NEBL: variants seen among roughly 807,000 people sequenced by gnomAD.
NEBL encodes nebulette.
A neutral mutation model predicts 140.2 loss-of-function variants in NEBL; 122 were observed. The ratio of observed to expected loss-of-function variants is 0.87; its 90% CI spans 0.75 to 1.01. The LOEUF is 1.01. NEBL is among the 50% of genes least tolerant of loss of function. NEBL has a pLI of 0.00. For synonymous variants in NEBL, 436 were observed against 398.9 expected, an observed-to-expected ratio of 1.09 and a Z score of -1.11; for missense variants, 1,365 against 1,231.3, an observed-to-expected ratio of 1.11 and a Z score of -1.62.
rs117989502 is a variant in NEBL at position 21,268,200 on chromosome 10, G to C, written n.183-16372C>G. ...ACTGCGGCAACTGAAGCTGGACGTG[G>C]GATTATGCCTGTAATCCCAGCACTT... On this transcript the variant is annotated intron_variant and non_coding_transcript_variant, in intron 1 of 8. Coordinates refer to the NEBL transcript ENST00000675702. Among the ~76,000 whole-genome samples the C allele has an allele frequency of 6.5e-4, 99 of 152,278 alleles. 1 individual carries two copies. The highest frequency in any genetic ancestry group is 2.9e-3 in the South Asian group (14 of 4,822).
At chr10:20,823,919 A>T (rs887118028) in intron 18 of NEBL, among the ~76,000 whole-genome samples, 1 of 152,180 alleles carries the variant, frequency 6.6e-6, no homozygotes, top group Non-Finnish European at 1.5e-5. Flanking sequence ...AGGAAGTCAG[A>T]GATGTCTGCT....
chr10:21,149,061 C>T (rs911792499), intron 2 of NEBL, among the ~76,000 whole-genome samples: 4 of 152,148 alleles, frequency 2.6e-5, no homozygotes, highest in African/African-American at 9.7e-5. Flanking sequence ...TTTCCCCACT[C>T]GTCTGTTAGG....
upstream of NEBL, among the ~76,000 whole-genome samples, chr10:21,177,614 C>T (rs1250420281): frequency 6.6e-6 from 1 of 151,920 alleles, no homozygotes; most frequent in Non-Finnish European, 1.5e-5. Context: ...ACTGCAAGCT[C>T]TGCCTCCCGG....
intron 4 of NEBL, among the ~76,000 whole-genome samples, chr10:20,935,364 C>T (rs1049210197): frequency 1.7e-4 from 26 of 152,270 alleles, no homozygotes; most frequent in Middle Eastern, 6.8e-3. Flanking sequence ...CTACAAGTGA[C>T]GCTAATATCA....
intron 2 of NEBL, among the ~76,000 whole-genome samples, chr10:21,160,653 G>C (rs1258070038): frequency 6.7e-6 from 1 of 149,454 alleles, no homozygotes; most frequent in African/African-American, 2.5e-5. Flanking sequence ...GTTGGGGAGG[G>C]TGGGTTGGGG....
chr10:20,981,204 A>G lies in NEBL; in HGVS notation c.250-19425T>C, dbSNP rs141170379. Among the ~76,000 whole-genome samples the G allele has an allele frequency of 9.2e-4, 140 of 152,314 alleles. 1 individual carries two copies. Among genetic ancestry groups the G allele is most frequent in the Middle Eastern group, 3.4e-3 (1 of 294 alleles). On this transcript the variant is annotated intron_variant, in intron 3 of 6. Coordinates refer to the NEBL transcript ENST00000417816. The stretch of plus-strand genomic sequence containing the variant: ...AACTTGATGTGTCCTAAAGATAGAG[A>G]ACACATAAAGTTCAAAATATAGATA...
At chr10:20,936,614 A>G (rs1486302151) in intron 4 of NEBL, among the ~76,000 whole-genome samples, 2 of 152,232 alleles carry the variant, frequency 1.3e-5, no homozygotes, top group Non-Finnish European at 2.9e-5. Context: ...CTCCTTCTCT[A>G]GTGTACAAAC....
chr10:20,900,900 T>C (rs529113700), upstream of NEBL, among the ~76,000 whole-genome samples: 14 of 139,774 alleles, frequency 1.0e-4, no homozygotes, highest in African/African-American at 3.8e-4. Context: ...ACACCTGTAA[T>C]CTCAGCTACT....
intron 2 of NEBL, among the ~76,000 whole-genome samples, chr10:21,069,667 G>A (rs1835726330): frequency 6.6e-6 from 1 of 152,150 alleles, no homozygotes; most frequent in Admixed American, 6.5e-5. Context: ...ACTGAGAAAT[G>A]GTTCATGTTA....
At position 20,897,241 on chromosome 10, in the gene NEBL, ACTC is replaced by A. The variant is rs1209657295; in HGVS notation, c.-39_-37del. On this transcript the variant is annotated 5_prime_UTR_variant, in exon 1 of 28. It removes an upstream start codon present in the reference 5' UTR. Coordinates refer to ENST00000377122, the MANE Select transcript of NEBL (RefSeq NM_006393.3). ...TAAAATATTTATATTTTTAAAATTT[ACTC>A]ATGTGGCGTCCTTTTCCATACCACA... 3.3e-6 allele frequency: 5 copies of A among 1,536,632 alleles called. No homozygotes were observed. In the Admixed American group the frequency reaches 1.0e-4, roughly 31 times the overall value.
intron 4 of NEBL, among the ~76,000 whole-genome samples, chr10:20,912,184 T>G (rs191335595): frequency 1.2e-4 from 19 of 152,358 alleles, no homozygotes; most frequent in Admixed American, 2.6e-4. Context: ...CAACTATTTT[T>G]TATATTGCTT....
intron 5 of NEBL, among the ~76,000 whole-genome samples, chr10:20,880,297 T>C (rs530044141): frequency 2.6e-5 from 4 of 152,112 alleles, no homozygotes; most frequent in Non-Finnish European, 4.4e-5. Flanking sequence ...CAGGCAGAGG[T>C]TGCAGTGAGC....
At chr10:21,242,336 G>A (rs1323517558) in intron 3 of NEBL, among the ~76,000 whole-genome samples, 2 of 152,234 alleles carry the variant, frequency 1.3e-5, no homozygotes, top group African/African-American at 4.8e-5. Context: ...GATGGAGCTG[G>A]AGGCCTTTAT....
At chr10:20,806,703 C>T (rs1241901505) in intron 26 of NEBL, among the ~76,000 whole-genome samples, 1 of 152,240 alleles carries the variant, frequency 6.6e-6, no homozygotes, top group African/African-American at 2.4e-5. Context: ...CTTTTGCTCA[C>T]TGCTGTGTGC....
At chr10:20,959,664 A>G (rs549725730) in intron 4 of NEBL, among the ~76,000 whole-genome samples, 1 of 152,252 alleles carries the variant, frequency 6.6e-6, no homozygotes, top group East Asian at 1.9e-4. Context: ...CCCTAATGGT[A>G]ATATTATGAA....
chr10:20,855,285 T>G (rs1250276647), intron 9 of NEBL, among the ~76,000 whole-genome samples: 1 of 149,662 alleles, frequency 6.7e-6, no homozygotes, highest in Non-Finnish European at 1.5e-5. Flanking sequence ...AGAAAGATAA[T>G]AATACAGACT....
At chr10:21,097,662 A>C (rs546399213) in intron 2 of NEBL, among the ~76,000 whole-genome samples, 18 of 152,328 alleles carry the variant, frequency 1.2e-4, no homozygotes, top group Admixed American at 1.0e-3. Flanking sequence ...CTACAAGAAC[A>C]AATGAAAGAA....
intron 2 of NEBL, among the ~76,000 whole-genome samples, chr10:21,158,572 T>C (rs1158234555): frequency 6.6e-6 from 1 of 152,126 alleles, no homozygotes; most frequent in Admixed American, 6.5e-5. Flanking sequence ...AATGGTCCCT[T>C]CACTCCCCCA....
chr10:20,802,673 C>G (rs1018619381), intron 26 of NEBL, among the ~76,000 whole-genome samples: 2 of 152,098 alleles, frequency 1.3e-5, no homozygotes, highest in African/African-American at 4.8e-5. Context: ...CAAATGTGAA[C>G]GATGAAAACC....
Sources: allele counts gnomAD v4.1 joint callset (sites outside exome capture counted in the v4.1 genomes callset), GRCh38; gene constraint gnomAD v4.1.1; transcripts MANE v1.5; gene names NCBI Gene and HGNC (gene_info 2026-07-23, HGNC 2026-07-21).